RANBP2: variants seen among roughly 807,000 people sequenced by gnomAD.
RANBP2 encodes the protein RAN binding protein 2.
In RANBP2, 57 loss-of-function variants were observed where a neutral mutation model predicts 303.6. That is an observed-to-expected ratio of 0.19 (90% confidence interval 0.15 to 0.23). RANBP2 has a LOEUF of 0.23. Among genes scored for constraint, RANBP2 ranks in the 10% least tolerant of loss-of-function variants. The pLI, the probability that RANBP2 is intolerant of heterozygous loss-of-function variation, is 1.00. For synonymous variants in RANBP2, 1,167 were observed against 1,301.5 expected (o/e 0.90, Z 2.23); for missense variants, 3,138 against 3,780.8 (o/e 0.83, Z 4.46).
At chr2:109,674,833 C>T in the RANBP2 span, among the ~76,000 whole-genome samples, 1 of 152,142 alleles carries the variant, frequency 6.6e-6, no homozygotes, top group Non-Finnish European at 1.5e-5. Flanking sequence ...ATTCTGAAAC[C>T]ATAATTTCTT....
In RANBP2 at chr2:108,758,290, C is replaced by G. The variant is rs1204064713; in HGVS notation, c.2467-123C>G. ...CCAGCCTGGACGACAGATCGAGACACCATCTCAAAAAAAAAAAAAAAAATC... is the reference window on the plus strand; with the variant it reads ...CCAGCCTGGACGACAGATCGAGACAGCATCTCAAAAAAAAAAAAAAAAATC... On this transcript the variant is annotated intron_variant, in intron 17 of 28. Coordinates refer to ENST00000283195, the MANE Select transcript of RANBP2 (RefSeq NM_006267.5). 3.3e-5 allele frequency: 47 copies of G among 1,411,082 alleles called. 1 individual carries two copies. Among genetic ancestry groups the G allele is most frequent in the Non-Finnish European group, 3.8e-5 (40 of 1,052,622 alleles). The allele number at this position is 1,411,082 out of a possible 1,614,324, so 87.4% of individuals were successfully genotyped here.
the RANBP2 span, among the ~76,000 whole-genome samples, chr2:109,218,920 G>C: frequency 3.3e-5 from 5 of 152,188 alleles, no homozygotes; most frequent in African/African-American, 9.7e-5. Context: ...TGAGAGCCCT[G>C]CCTTCCCTGC....
At chr2:109,336,216 A>G in the RANBP2 span, among the ~76,000 whole-genome samples, 1 of 152,348 alleles carries the variant, frequency 6.6e-6, no homozygotes, top group Admixed American at 6.5e-5. Flanking sequence ...CTGCAGGAGA[A>G]GGATTCTCCC....
the RANBP2 span, among the ~76,000 whole-genome samples, chr2:109,331,540 C>T: frequency 2.4e-3 from 360 of 152,298 alleles, 1 homozygote; most frequent in Non-Finnish European, 2.1e-3. Flanking sequence ...TTGCAACCCC[C>T]ACCGCCTTCC....
At chr2:109,288,710 C>T in the RANBP2 span, among the ~76,000 whole-genome samples, 1 of 152,296 alleles carries the variant, frequency 6.6e-6, no homozygotes, top group Non-Finnish European at 1.5e-5. Flanking sequence ...ATTGCTGGAC[C>T]TGACCCCTGT....
At chr2:109,254,344 G>C in the RANBP2 span, among the ~76,000 whole-genome samples, 6 of 152,144 alleles carry the variant, frequency 3.9e-5, no homozygotes, top group Admixed American at 2.0e-4. Context: ...GTATAATCCT[G>C]TGCAAGTTGG....
chr2:109,296,390 G>GTTT, the RANBP2 span, among the ~76,000 whole-genome samples: 3 of 148,520 alleles, frequency 2.0e-5, no homozygotes, highest in African/African-American at 7.5e-5. Context: ...ACCACACCCA[G>GTTT]TTTTTTTTTT....
chr2:108,836,481 T>C, the RANBP2 span, among the ~76,000 whole-genome samples: 2 of 152,338 alleles, frequency 1.3e-5, no homozygotes, highest in African/African-American at 4.8e-5. Flanking sequence ...GCAAATATCC[T>C]TTCAAGACCC....
chr2:108,973,936 G>A, the RANBP2 span, among the ~76,000 whole-genome samples: 1 of 152,188 alleles, frequency 6.6e-6, no homozygotes, highest in African/African-American at 2.4e-5. Flanking sequence ...GGAGCTGTAA[G>A]CATCACCTTT....
chr2:109,493,927 T>G, the RANBP2 span, among the ~76,000 whole-genome samples: 1 of 152,126 alleles, frequency 6.6e-6, no homozygotes, highest in Non-Finnish European at 1.5e-5. Flanking sequence ...CCTCCACCTC[T>G]CATCCTCTCC....
At chr2:109,219,269 T>TG in the RANBP2 span, among the ~76,000 whole-genome samples, 2 of 151,584 alleles carry the variant, frequency 1.3e-5, no homozygotes, top group Non-Finnish European at 2.9e-5. Flanking sequence ...AGCACTTTTT[T>TG]GGGGGGCTCA....
At chr2:109,209,858 C>T in the RANBP2 span, among the ~76,000 whole-genome samples, 1 of 152,172 alleles carries the variant, frequency 6.6e-6, no homozygotes, top group Non-Finnish European at 1.5e-5. Context: ...ATAAATTTTA[C>T]CATTTTTAAG....
At chr2:109,284,557 T>G in the RANBP2 span, among the ~76,000 whole-genome samples, 65,137 of 152,030 alleles carry the variant, frequency 0.43, 14,354 homozygotes, top group African/African-American at 0.53. Context: ...GTGTTTGAAT[T>G]ATGTGTGGAG....
At chr2:109,667,788 C>T in the RANBP2 span, 103 of 182,446 alleles carry the variant, frequency 5.6e-4, 1 homozygote, top group South Asian at 0.017. Flanking sequence ...GATCCTTGCA[C>T]TGCTGGATGC....
chr2:108,795,141 C>G, the RANBP2 span, among the ~76,000 whole-genome samples: 1 of 129,390 alleles, frequency 7.7e-6, no homozygotes, highest in African/African-American at 2.8e-5. Context: ...TTTTTTGTTT[C>G]TAAAGTGTAT....
At chr2:109,343,748 T>TG in the RANBP2 span, among the ~76,000 whole-genome samples, 1 of 151,206 alleles carries the variant, frequency 6.6e-6, no homozygotes, top group African/African-American at 2.4e-5. Context: ...GGTTTCCTTT[T>TG]TTTTTTTTTT....
chr2:109,292,255 A>G, the RANBP2 span, among the ~76,000 whole-genome samples: 1,170 of 152,338 alleles, frequency 7.7e-3, 4 homozygotes, highest in Non-Finnish European at 0.013. Flanking sequence ...TAAACATAAT[A>G]TTTTTAAATA....
At chr2:109,496,299 A>G in the RANBP2 span, among the ~76,000 whole-genome samples, 2 of 151,966 alleles carry the variant, frequency 1.3e-5, no homozygotes, top group Non-Finnish European at 2.9e-5. Flanking sequence ...TGATTGGTGC[A>G]TTTTACAGAG....
chr2:109,602,297 G>A, the RANBP2 span, among the ~76,000 whole-genome samples: 1 of 147,012 alleles, frequency 6.8e-6, no homozygotes, highest in Non-Finnish European at 1.5e-5. Flanking sequence ...GGGAGATTAA[G>A]GACAATAAAA....
Sources: allele counts gnomAD v4.1 joint callset (sites outside exome capture counted in the v4.1 genomes callset), GRCh38; gene constraint gnomAD v4.1.1; transcripts MANE v1.5; gene names NCBI Gene and HGNC (gene_info 2026-07-23, HGNC 2026-07-21).